PPP4R3B: variants seen among roughly 807,000 people sequenced by gnomAD.
PPP4R3B encodes protein phosphatase 4 regulatory subunit 3B, also known as serine/threonine-protein phosphatase 4 regulatory subunit 3B.
In PPP4R3B, 52 loss-of-function variants were observed where a neutral mutation model predicts 95.4. The observed-to-expected ratio is 0.54, with a 90% confidence interval of 0.44 to 0.69. The LOEUF is 0.69. Among genes scored for constraint, PPP4R3B ranks in the 30% least tolerant of loss-of-function variants. The pLI is 0.00. For synonymous variants in PPP4R3B, 407 were observed against 343.9 expected, an observed-to-expected ratio of 1.18 and a Z score of -2.03; for missense variants, 1,003 against 1,005.9, an observed-to-expected ratio of 1.00 and a Z score of 0.04.
chr2:55,603,678 T>C (rs369016168), intron 3 of PPP4R3B, among the ~76,000 whole-genome samples: 37 of 152,334 alleles, frequency 2.4e-4, no homozygotes, highest in African/African-American at 8.4e-4. Flanking sequence ...AAAAGCTTGA[T>C]TTAATTACTT....
At position 55,586,717 on chromosome 2, in the gene PPP4R3B, C is replaced by A; in HGVS notation, c.1017G>T (p.Glu339Asp). 1 of 1,597,856 alleles carries A rather than the reference C, an allele frequency of 6.3e-7. No individual in the cohort carries two copies. The change falls in exon 6 of 17, where the codon GAG becomes GAT. Residue 339 changes from glutamate to aspartate, a missense_variant. Around this residue, in one of 3 missense-constraint regions of PPP4R3B, gnomAD observed 695 missense variants for 686.2 expected, o/e 1.01. Coordinates refer to ENST00000616407, the MANE Select transcript of PPP4R3B (RefSeq NM_001122964.3). ...GTAATGTCTGAGAAAATGCACAAAA[C>A]TCCTTGAAAAAATTAACCTGTAATG... Reference protein sequence around the residue: ...KRRELVNFFKEFCAFSQTLQP... With the variant: ...KRRELVNFFKDFCAFSQTLQP...
At chr2:55,590,022 G>A (rs1690779315) in intron 4 of PPP4R3B, among the ~76,000 whole-genome samples, 2 of 141,938 alleles carry the variant, frequency 1.4e-5, no homozygotes, top group African/African-American at 2.6e-5. Flanking sequence ...AGTCAAGCAC[G>A]CATTTTTAAA....
chr2:55,603,145 G>A (rs938933131), intron 3 of PPP4R3B, among the ~76,000 whole-genome samples: 1 of 152,066 alleles, frequency 6.6e-6, no homozygotes, highest in Non-Finnish European at 1.5e-5. Flanking sequence ...TAGAGATGAG[G>A]TTCCACCATG....
intron 3 of PPP4R3B, among the ~76,000 whole-genome samples, chr2:55,603,317 T>C (rs1692912035): frequency 6.6e-6 from 1 of 152,048 alleles, no homozygotes; most frequent in East Asian, 1.9e-4. Context: ...AGGGGTGGGG[T>C]AGTAGGATGG....
rs770253599 is a variant in PPP4R3B, at chr2:55,564,300, C to T, written c.2260+13G>A. Reference sequence around the variant, plus strand: ...AAGAGGGTACACTGTGCAAAAATTCCGAATTTTAATACCTTTTTTAGTCTC... The same window carrying T: ...AAGAGGGTACACTGTGCAAAAATTCTGAATTTTAATACCTTTTTTAGTCTC... On this transcript the variant is annotated intron_variant, in intron 15 of 16. Coordinates refer to ENST00000616407, the MANE Select transcript of PPP4R3B (RefSeq NM_001122964.3). The T allele has an allele frequency of 8.1e-6, 13 of 1,604,828 alleles. No homozygotes were observed. Among genetic ancestry groups the T allele is most frequent in the Middle Eastern group, 1.7e-4 (1 of 6,022 alleles).
At chr2:55,555,134 G>C (rs2103796183) in intron 16 of PPP4R3B, among the ~76,000 whole-genome samples, 1 of 152,106 alleles carries the variant, frequency 6.6e-6, no homozygotes, top group South Asian at 2.1e-4. Flanking sequence ...CAAAAAATTA[G>C]CCAGGCGTGG....
chr2:55,616,397 T>A (rs547553794), intron 1 of PPP4R3B: 18 of 152,236 alleles, frequency 1.2e-4, no homozygotes, highest in Non-Finnish European at 2.5e-4. Flanking sequence ...ACTGCCTATA[T>A]CAGTTGTTCA....
At chr2:55,609,347 G>C (rs1333036390) in intron 2 of PPP4R3B, among the ~76,000 whole-genome samples, 1 of 152,060 alleles carries the variant, frequency 6.6e-6, no homozygotes, top group Non-Finnish European at 1.5e-5. Context: ...TCTCCTGCCG[G>C]AAAGTCTCAC....
chr2:55,603,282 T>G lies in PPP4R3B; in HGVS notation c.297+696A>C, dbSNP rs1291879825. ...AAATACACTTATATCCAAGAACATG[T>G]ATTAAAAAGTAGGTGTTGACATATA... is the stretch of plus-strand genomic sequence containing the variant. On this transcript the variant is annotated intron_variant, in intron 3 of 16. Transcript: ENST00000616407. 2.0e-5 allele frequency among the ~76,000 whole-genome samples: 3 copies of G among 152,110 alleles called. No individual in the cohort carries two copies. The East Asian group carries it at 5.8e-4, about 29-fold the overall frequency.
At chr2:55,601,662 G>A (rs752755901) in intron 3 of PPP4R3B, among the ~76,000 whole-genome samples, 11 of 152,148 alleles carry the variant, frequency 7.2e-5, no homozygotes, top group Non-Finnish European at 1.3e-4. Flanking sequence ...TTACAGGCAT[G>A]AGCCACTGCG....
chr2:55,574,449 C>T (rs1688388694), intron 11 of PPP4R3B, among the ~76,000 whole-genome samples: 1 of 151,484 alleles, frequency 6.6e-6, no homozygotes, highest in Admixed American at 6.6e-5. Context: ...ATAAAAGGGC[C>T]CATTGTTAAA....
chr2:55,578,691 C>T (rs571636521), intron 9 of PPP4R3B, among the ~76,000 whole-genome samples: 32 of 152,126 alleles, frequency 2.1e-4, no homozygotes, highest in African/African-American at 7.0e-4. Flanking sequence ...TGCATATGCA[C>T]AAACATTCCC....
chr2:55,579,608 C>G (rs1689168478), intron 9 of PPP4R3B, 71 bp downstream of exon 9: 10 of 1,031,382 alleles, frequency 9.7e-6, no homozygotes, highest in Middle Eastern at 2.6e-4. Context: ...AGTAAATTGC[C>G]TGTTAGTTTA....
At chr2:55,573,081 T>C (rs1688216992) in intron 12 of PPP4R3B, among the ~76,000 whole-genome samples, 1 of 152,138 alleles carries the variant, frequency 6.6e-6, no homozygotes, top group African/African-American at 2.4e-5. Context: ...CTATTTTAAG[T>C]CCATAAAAAT....
chr2:55,569,273 T>C (rs13003270), intron 12 of PPP4R3B, among the ~76,000 whole-genome samples: 33,692 of 151,854 alleles, frequency 0.22, 3,847 homozygotes, highest in East Asian at 0.3. Context: ...GTAGCGTTAG[T>C]GTCAAGGAAA....
intron 3 of PPP4R3B, among the ~76,000 whole-genome samples, chr2:55,600,072 T>C (rs1157615954): frequency 6.6e-6 from 1 of 152,224 alleles, no homozygotes; most frequent in Non-Finnish European, 1.5e-5. Context: ...CATTCTCCAA[T>C]CCCCTTAAGA....
intron 16 of PPP4R3B, among the ~76,000 whole-genome samples, chr2:55,551,745 C>G (rs1685271682): frequency 1.3e-5 from 2 of 150,320 alleles, no homozygotes; most frequent in South Asian, 4.2e-4. Context: ...GAGCAAGACT[C>G]CATCTCAAAA....
chr2:55,569,186 ACCAGAGGGCT>A (rs1553465488), intron 12 of PPP4R3B, among the ~76,000 whole-genome samples: 2 of 152,160 alleles, frequency 1.3e-5, no homozygotes, highest in Non-Finnish European at 2.9e-5. Context: ...GGACAGGGCC[ACCAGAGGGCT>A]CCTTGGTCTA....
intron 2 of PPP4R3B, chr2:55,614,813 C>T (rs1694673042): frequency 6.6e-6 from 1 of 152,036 alleles, no homozygotes. Flanking sequence ...TAATATATTT[C>T]ATAATAAAAA....
Sources: gnomAD v4.1 joint callset for allele counts (sites outside exome capture counted in the v4.1 genomes callset) on GRCh38, gnomAD v4.1.1 for gene constraint, gnomAD v4.1.1 regional missense constraint, MANE v1.5 for transcripts, NCBI Gene and HGNC (gene_info 2026-07-23, HGNC 2026-07-21) for gene names.